SEMA5B: variants seen among roughly 807,000 people sequenced by gnomAD.
The protein encoded by SEMA5B is semaphorin-5B.
In SEMA5B, 66 loss-of-function variants were observed where a neutral mutation model predicts 135.0. The observed-to-expected ratio is 0.49, with a 90% CI of 0.40 to 0.60. SEMA5B has a LOEUF of 0.60. Ranked by LOEUF, SEMA5B falls within the 20% of genes least tolerant of loss-of-function variation. SEMA5B has a pLI of 0.00. For missense variants in SEMA5B, 1,501 were observed against 1,566.3 expected (o/e 0.96, Z 0.70); for synonymous variants, 690 against 639.5 (o/e 1.08, Z -1.19).
intron 2 of SEMA5B, among the ~76,000 whole-genome samples, chr3:122,960,223 C>T (rs1431750152): frequency 1.3e-5 from 2 of 152,174 alleles, no homozygotes; most frequent in Non-Finnish European, 2.9e-5. Flanking sequence ...CTACTCACTT[C>T]CCCCAGTAAG....
intron 1 of SEMA5B, among the ~76,000 whole-genome samples, chr3:122,983,266 T>G (rs868767042): frequency 1.6e-4 from 24 of 151,940 alleles, no homozygotes; most frequent in African/African-American, 2.7e-4. Context: ...AGGATTTTTT[T>G]GGGGGGGTTT....
intron 1 of SEMA5B, among the ~76,000 whole-genome samples, chr3:123,010,137 C>A (rs759430150): frequency 1.3e-5 from 2 of 152,120 alleles, no homozygotes; most frequent in African/African-American, 2.4e-5. Flanking sequence ...GCGGGGAGTG[C>A]CTTCAGGAAG....
intron 4 of SEMA5B, 44 bp from the exon 5 acceptor site, chr3:122,939,514 A>C (rs770390793): frequency 2.0e-6 from 3 of 1,528,074 alleles, no homozygotes; most frequent in Admixed American, 1.7e-5. Flanking sequence ...CTGGTTCTGC[A>C]GGCAGGACCC....
At chr3:122,957,100 G>A (rs929509215) in intron 2 of SEMA5B, among the ~76,000 whole-genome samples, 9 of 152,214 alleles carry the variant, frequency 5.9e-5, no homozygotes, top group African/African-American at 2.2e-4. Flanking sequence ...CCAAATCACA[G>A]TGAGACTTGA....
chr3:123,014,065 A>T (rs1051282881), intron 1 of SEMA5B, among the ~76,000 whole-genome samples: 1 of 152,206 alleles, frequency 6.6e-6, no homozygotes, highest in African/African-American at 2.4e-5. Flanking sequence ...CGGGACACAC[A>T]TCTAGGGAAC....
chr3:123,027,010 G>C (rs1942816853), intron 1 of SEMA5B: 1 of 152,490 alleles, frequency 6.6e-6, no homozygotes, highest in Non-Finnish European at 1.5e-5. Flanking sequence ...CACTCTGGGC[G>C]GGCCACGCGT....
chr3:122,922,016 G>A lies in SEMA5B; in HGVS notation c.1587C>T (p.Arg529=), dbSNP rs951098405. The A allele has an allele frequency of 1.3e-6, 2 of 1,516,764 alleles. No homozygotes were observed. Among genetic ancestry groups the A allele is most frequent in the East Asian group, 2.4e-5 (1 of 40,824 alleles). The allele number at this position is 1,516,764 out of a possible 1,614,324, so 94.0% of individuals were successfully genotyped here. ...VLPPGRREPL[R]SLRILHSARA... is the part of the protein sequence containing the mutation. The stretch of plus-strand genomic sequence containing the variant: ...GGGCGCTGTGCAGGATGCGCAGGCT[G>A]CGCAGGGGCTCGCGGCGCCCGGGGG... Residue 529 remains arginine (R), a synonymous_variant, in exon 12 of 23, where the codon CGC becomes CGT. Coordinates refer to ENST00000357599, the MANE Select transcript of SEMA5B (RefSeq NM_001031702.4).
intron 1 of SEMA5B, among the ~76,000 whole-genome samples, chr3:123,008,869 C>G (rs964366611): frequency 6.6e-6 from 1 of 152,044 alleles, no homozygotes; most frequent in African/African-American, 2.4e-5. Context: ...CTGAGGGGCA[C>G]AGAGGCCTGC....
intron 1 of SEMA5B, among the ~76,000 whole-genome samples, chr3:123,013,227 G>T (rs1942476545): frequency 6.6e-6 from 1 of 152,190 alleles, no homozygotes; most frequent in Middle Eastern, 3.4e-3. Context: ...CTGTAAAATG[G>T]GGGTGCTGTG....
rs1937769628 is a variant in SEMA5B at position 122,912,264 on chromosome 3, C to T, written c.2804G>A (p.Arg935His). The change falls in exon 19 of 23, where the codon CGT becomes CAT. Residue 935 changes from arginine to histidine, a missense_variant. Arg to His is a conservative substitution (Grantham distance 29). Around this residue, in one of 2 missense-constraint regions of SEMA5B, gnomAD observed 927 missense variants for 881.6 expected, o/e 1.05. Transcript: ENST00000357599. ...SCGGGHYQRT[R>H]SCTSPAPSPG... ...GGAGGGTGCGGGGCTGGTGCAGGAACGGGTGCGTTGATAGTGACCCCCACC... is the reference window on the plus strand; with the variant it reads ...GGAGGGTGCGGGGCTGGTGCAGGAATGGGTGCGTTGATAGTGACCCCCACC... 1.2e-6 allele frequency: 2 copies of T among 1,612,204 alleles called. No homozygotes were observed. Among genetic ancestry groups the T allele is most frequent in the Non-Finnish European group, 1.7e-6 (2 of 1,179,122 alleles).
At chr3:123,000,560 A>G (rs556851070) in intron 1 of SEMA5B, among the ~76,000 whole-genome samples, 25 of 152,092 alleles carry the variant, frequency 1.6e-4, no homozygotes, top group Non-Finnish European at 2.9e-4. Flanking sequence ...AATCCTATCT[A>G]AACTCTGTGA....
At position 122,922,321 on chromosome 3, in the gene SEMA5B, C is replaced by T. The variant is rs1441149364; in HGVS notation, c.1399G>A (p.Asp467Asn). 3 of 1,613,932 alleles carry T rather than the reference C, an allele frequency of 1.9e-6. No homozygotes were observed. Among genetic ancestry groups the T allele is most frequent in the Non-Finnish European group, 2.5e-6 (3 of 1,179,952 alleles). Residue 467 changes from aspartate (D) to asparagine (N), a missense_variant, in exon 11 of 23, where the codon GAC becomes AAC. Asp to Asn is a conservative substitution (Grantham distance 23, BLOSUM62 1). Transcript: ENST00000357599. ...ACGAGGTGTGAGAAGCGCACGCTGTCCTGGGTGACACAGGGCTCGGGTGTC... is the reference window on the plus strand; with the variant it reads ...ACGAGGTGTGAGAAGCGCACGCTGTTCTGGGTGACACAGGGCTCGGGTGTC... ...PVTPEPCVTQ[D>N]SVRFSHLVVD...
At chr3:122,915,326 C>T (rs1315717047) in intron 14 of SEMA5B, 114 bp downstream of exon 14, 2 of 1,018,678 alleles carry the variant, frequency 2.0e-6, no homozygotes, top group Admixed American at 2.3e-5. Context: ...CCTAGCACAG[C>T]CCTGAAGTGG....
At chr3:122,969,045 T>C (rs1042953214) in intron 1 of SEMA5B, among the ~76,000 whole-genome samples, 2 of 152,260 alleles carry the variant, frequency 1.3e-5, no homozygotes, top group Non-Finnish European at 2.9e-5. Context: ...ATTTTAATTA[T>C]ATCTAAGCTT....
chr3:122,977,067 C>T (rs1027246758), intron 1 of SEMA5B, among the ~76,000 whole-genome samples: 2 of 152,102 alleles, frequency 1.3e-5, no homozygotes, highest in Non-Finnish European at 2.9e-5. Flanking sequence ...AAAAAAAGCC[C>T]TCCAGATGGT....
intron 9 of SEMA5B, among the ~76,000 whole-genome samples, chr3:122,924,646 C>T (rs1938535725): frequency 1.3e-5 from 2 of 152,182 alleles, no homozygotes; most frequent in African/African-American, 4.8e-5. Flanking sequence ...CCCCTTCACC[C>T]TCCTTCCTGT....
At chr3:122,997,182 T>C (rs562404010) in intron 1 of SEMA5B, among the ~76,000 whole-genome samples, 1 of 152,324 alleles carries the variant, frequency 6.6e-6, no homozygotes, top group East Asian at 1.9e-4. Flanking sequence ...CCTCTTTAGG[T>C]GTGGAAGCCG....
intron 1 of SEMA5B, among the ~76,000 whole-genome samples, chr3:122,970,535 C>T (rs551229463): frequency 1.6e-4 from 25 of 152,342 alleles, no homozygotes; most frequent in African/African-American, 5.8e-4. Flanking sequence ...AAGAGAGCTT[C>T]CCACCTCCTT....
chr3:122,988,918 T>C (rs1371223047), intron 1 of SEMA5B, among the ~76,000 whole-genome samples: 2 of 152,250 alleles, frequency 1.3e-5, no homozygotes, highest in Non-Finnish European at 2.9e-5. Flanking sequence ...CAGGCATGAA[T>C]GCAGCCCTTC....
Sources: gnomAD v4.1 joint callset for allele counts (sites outside exome capture counted in the v4.1 genomes callset) on GRCh38, gnomAD v4.1.1 for gene constraint, gnomAD v4.1.1 regional missense constraint, MANE v1.5 for transcripts, NCBI Gene and HGNC (gene_info 2026-07-23, HGNC 2026-07-21) for gene names.